Variants in PHC2 observed in about 807,000 individuals in gnomAD.
PHC2 encodes polyhomeotic-like protein 2.
A neutral mutation model predicts 87.4 loss-of-function variants in PHC2; 29 were observed. The observed-to-expected ratio is 0.33, with a 90% CI of 0.25 to 0.45. The LOEUF (loss-of-function observed/expected upper bound fraction) is 0.45, where lower values mean the gene tolerates loss of function less well. PHC2 is among the 20% of genes least tolerant of loss of function. The pLI is 1.00. For synonymous variants in PHC2, 438 were observed against 461.7 expected, an observed-to-expected ratio of 0.95 and a Z score of 0.66; for missense variants, 857 against 1,136.7, an observed-to-expected ratio of 0.75 and a Z score of 3.54.
At chr1:33,340,436 G>A (rs531292484) in intron 9 of PHC2, among the ~76,000 whole-genome samples, 2 of 152,304 alleles carry the variant, frequency 1.3e-5, no homozygotes, top group Non-Finnish European at 2.9e-5. Context: ...CCTCAGTGGA[G>A]CACTGCAGAG....
intron 1 of PHC2, among the ~76,000 whole-genome samples, chr1:33,414,875 A>C (rs1409062815): frequency 1.3e-5 from 2 of 152,242 alleles, no homozygotes. Context: ...AGTTCTCTAA[A>C]AAATAAGTTT....
chr1:33,400,996 C>G (rs1315426310), intron 1 of PHC2, among the ~76,000 whole-genome samples: 1 of 151,986 alleles, frequency 6.6e-6, no homozygotes, highest in African/African-American at 2.4e-5. Context: ...TTAACAGACT[C>G]CAGTACAATT....
At chr1:33,404,446 G>A (rs772039793) in intron 1 of PHC2, among the ~76,000 whole-genome samples, 9 of 152,040 alleles carry the variant, frequency 5.9e-5, no homozygotes, top group Non-Finnish European at 1.2e-4. Flanking sequence ...CTAATTAAGA[G>A]TTTTTCCAAA....
intron 14 of PHC2, 93 bp from the exon 15 acceptor site, chr1:33,325,112 G>A: frequency 1.6e-6 from 2 of 1,215,068 alleles, no homozygotes; most frequent in South Asian, 1.6e-5. Flanking sequence ...CTAGTTATCT[G>A]CATCCATTAT....
rs767049572 is a variant in PHC2 at position 33,332,287 on chromosome 1, G to A, written c.1879C>T (p.Pro627Ser). The change falls in exon 11 of 15, where the codon CCC becomes TCC. Residue 627 changes from proline to serine, a missense_variant. Physicochemically the swap from Pro to Ser is moderately conservative, Grantham distance 74. Coordinates refer to ENST00000683057, the MANE Select transcript of PHC2 (RefSeq NM_001385109.1). This position sits in a 1 kb window ranked among gnomAD's most constrained non-coding sequence, Gnocchi z 4.2. ...CTGAGATGCCCACCTTGCAGATAGGGCTCCTCCATCTCCGAGTCAGTGGTG... is the reference window on the plus strand; with the variant it reads ...CTGAGATGCCCACCTTGCAGATAGGACTCCTCCATCTCCGAGTCAGTGGTG... ...TTTTDSEMEE[P>S]YLQESKEEGA... is the part of the protein sequence containing the mutation. 8.1e-6 allele frequency: 13 copies of A among 1,614,038 alleles called. No individual in the cohort carries two copies. The East Asian group carries it at 2.7e-4, about 33-fold the overall frequency.
intron 1 of PHC2, among the ~76,000 whole-genome samples, chr1:33,419,762 A>G (rs1428318162): frequency 6.6e-6 from 1 of 152,098 alleles, no homozygotes; most frequent in Non-Finnish European, 1.5e-5. Flanking sequence ...GGCGCCCGCT[A>G]CCACGCCCGG....
chr1:33,349,533 G>C lies in PHC2; in HGVS notation c.1558+4868C>G. ...CACCGAGGGCGGTGCCCGACTTCCA[G>C]TGCGGCGAGCGCGGCCCCCGGCCTC... On this transcript the variant is annotated intron_variant, in intron 9 of 14. Transcript: ENST00000683057. This position sits in a 1 kb window ranked among gnomAD's most constrained non-coding sequence, Gnocchi z 4.2. 11 of 983,264 alleles carry C rather than the reference G, an allele frequency of 1.1e-5. No individual in the cohort carries two copies. The highest frequency in any genetic ancestry group is 1.3e-5 in the Non-Finnish European group (11 of 828,142). The allele number at this position is 983,264 out of a possible 1,614,324, so 60.9% of individuals were successfully genotyped here. A position where few individuals can be genotyped will look rare whatever the true frequency, so the allele number is the denominator to read the frequency against.
At chr1:33,342,093 C>G (rs1013065702) in intron 9 of PHC2, among the ~76,000 whole-genome samples, 21 of 152,202 alleles carry the variant, frequency 1.4e-4, no homozygotes, top group African/African-American at 4.8e-4. Context: ...GCTTTTCAGG[C>G]ACAGGAGGGT....
intron 9 of PHC2, among the ~76,000 whole-genome samples, chr1:33,351,445 T>C (rs893846321): frequency 6.6e-6 from 1 of 152,242 alleles, no homozygotes; most frequent in Non-Finnish European, 1.5e-5. Flanking sequence ...ACATCTCTAG[T>C]TGGCAGTAAC....
At chr1:33,417,023 T>C (rs911466980) in intron 1 of PHC2, among the ~76,000 whole-genome samples, 23 of 152,230 alleles carry the variant, frequency 1.5e-4, no homozygotes, top group African/African-American at 4.8e-4. Flanking sequence ...AGTTTTAATG[T>C]TTCTCTAATA....
At chr1:33,339,637 G>A (rs1350587925) in intron 9 of PHC2, among the ~76,000 whole-genome samples, 2 of 152,178 alleles carry the variant, frequency 1.3e-5, no homozygotes, top group Non-Finnish European at 2.9e-5. Context: ...CAGAGCTGAC[G>A]GGCTCTCCAG....
intron 1 of PHC2, among the ~76,000 whole-genome samples, chr1:33,394,005 GA>G (rs1259356598): frequency 9.2e-5 from 14 of 152,342 alleles, no homozygotes; most frequent in African/African-American, 3.4e-4. Flanking sequence ...CAGAAAGGCA[GA>G]GTTAAGGAAT....
At chr1:33,414,245 T>A (rs1650115414) in intron 1 of PHC2, among the ~76,000 whole-genome samples, 1 of 150,448 alleles carries the variant, frequency 6.6e-6, no homozygotes, top group Admixed American at 6.6e-5. Flanking sequence ...TGAGGTTGAT[T>A]TATTGCCCCA....
intron 1 of PHC2, among the ~76,000 whole-genome samples, chr1:33,394,825 C>T (rs1427607345): frequency 6.6e-6 from 1 of 152,208 alleles, no homozygotes; most frequent in Non-Finnish European, 1.5e-5. Context: ...CTGCCTTGGC[C>T]TCCCGAAGTG....
Position 33,331,644 on chromosome 1 carries a change from G to A in PHC2, c.1892-182C>T. 1 of 514,850 alleles carries A rather than the reference G, an allele frequency of 1.9e-6. No individual in the cohort carries two copies. The highest frequency in any genetic ancestry group is 3.4e-5 in the Admixed American group (1 of 29,556). 31.9% of individuals were successfully genotyped at this position (514,850 alleles called of 1,614,324 possible). ...TCTCACCCCTGGAATGCACTCAAGG[G>A]TGTCTGGGGATGCCCCTTGTAGACT... On this transcript the variant is annotated intron_variant, in intron 11 of 14. Coordinates refer to ENST00000683057, the MANE Select transcript of PHC2 (RefSeq NM_001385109.1). The surrounding 1 kb of genome is among the most constrained non-coding windows in gnomAD (Gnocchi z 5.2).
At chr1:33,347,801 G>A in intron 9 of PHC2, 3 of 888,734 alleles carry the variant, frequency 3.4e-6, no homozygotes, top group Non-Finnish European at 4.0e-6. Flanking sequence ...GGTGCCAAAA[G>A]AGCACCACTC....
chr1:33,344,943 A>C (rs1646819456), intron 9 of PHC2, among the ~76,000 whole-genome samples: 1 of 151,982 alleles, frequency 6.6e-6, no homozygotes, highest in Non-Finnish European at 1.5e-5. Context: ...GTTTTAATTT[A>C]AAGTGTCATT....
At chr1:33,395,942 T>C (rs1649275109) in intron 1 of PHC2, among the ~76,000 whole-genome samples, 2 of 152,196 alleles carry the variant, frequency 1.3e-5, no homozygotes, top group South Asian at 4.1e-4. Flanking sequence ...GACTAAATCA[T>C]ACAAAAACAC....
intron 9 of PHC2, among the ~76,000 whole-genome samples, chr1:33,335,906 GGA>G (rs1371138118): frequency 6.9e-6 from 1 of 144,740 alleles, no homozygotes; most frequent in Admixed American, 6.8e-5. Flanking sequence ...TCTTGGGGGG[GGA>G]GGGGGGGAAA....
Sources: allele counts gnomAD v4.1 joint callset (sites outside exome capture counted in the v4.1 genomes callset), GRCh38; gene constraint gnomAD v4.1.1; non-coding constraint Gnocchi (gnomAD v3.1); transcripts MANE v1.5; gene names NCBI Gene and HGNC (gene_info 2026-07-23, HGNC 2026-07-21).